TRAPPC9: variants seen among roughly 807,000 people sequenced by gnomAD.
TRAPPC9 encodes the protein IKK2 binding protein.
In TRAPPC9, 83 loss-of-function variants were observed where a neutral mutation model predicts 124.0. That is an observed-to-expected ratio of 0.67 (90% CI 0.56 to 0.80). TRAPPC9 has a LOEUF of 0.80. Among genes scored for constraint, TRAPPC9 ranks in the 30% least tolerant of loss-of-function variants. The pLI is 0.00. For missense variants in TRAPPC9, 1,302 were observed against 1,508.3 expected, an observed-to-expected ratio of 0.86 and a Z score of 2.27; for synonymous variants, 638 against 617.5, an observed-to-expected ratio of 1.03 and a Z score of -0.49.
intron 21 of TRAPPC9, among the ~76,000 whole-genome samples, chr8:139,765,971 G>A (rs1429609829): frequency 6.6e-6 from 1 of 152,224 alleles, no homozygotes; most frequent in African/African-American, 2.4e-5. Flanking sequence ...GAAGGGCGCA[G>A]GTGTGGCCCT....
At chr8:140,091,806 C>T (rs1844582369) in intron 17 of TRAPPC9, among the ~76,000 whole-genome samples, 1 of 152,292 alleles carries the variant, frequency 6.6e-6, no homozygotes, top group Middle Eastern at 3.4e-3. Context: ...TGTCCTCAAC[C>T]CAGGACTGCT....
At chr8:140,073,863 AT>A (rs1260112620) in intron 17 of TRAPPC9, among the ~76,000 whole-genome samples, 7 of 152,042 alleles carry the variant, frequency 4.6e-5, no homozygotes, top group Admixed American at 1.3e-4. Flanking sequence ...TACGTTTAAA[AT>A]TTTCCCTAGT....
intron 21 of TRAPPC9, among the ~76,000 whole-genome samples, chr8:139,763,446 GTCCCCTCC>G (rs141100640): frequency 0.011 from 1,700 of 152,258 alleles, 9 homozygotes; most frequent in Non-Finnish European, 0.018. Context: ...GGACATGTTA[GTCCCCTCC>G]CTCCCTCCCT....
intron 17 of TRAPPC9, among the ~76,000 whole-genome samples, chr8:140,042,740 G>T (rs576131795): frequency 6.6e-6 from 1 of 152,298 alleles, no homozygotes; most frequent in Admixed American, 6.5e-5. Flanking sequence ...TCCCAGCACC[G>T]GGCTGCTCCT....
chr8:139,733,508 T>TG (rs1209879747), intron 21 of TRAPPC9, among the ~76,000 whole-genome samples: 1 of 152,132 alleles, frequency 6.6e-6, no homozygotes, highest in East Asian at 1.9e-4. Flanking sequence ...GTGGAGGTCC[T>TG]GGAAGTGGGA....
chr8:139,900,789 A>G (rs1037644922), intron 20 of TRAPPC9, among the ~76,000 whole-genome samples: 36 of 152,058 alleles, frequency 2.4e-4, no homozygotes, highest in African/African-American at 8.0e-4. Context: ...ATTTGAAACC[A>G]TGGGGCAGCT....
chr8:140,357,270 G>A (rs1357579536), intron 9 of TRAPPC9, among the ~76,000 whole-genome samples: 2 of 152,242 alleles, frequency 1.3e-5, no homozygotes, highest in Non-Finnish European at 1.5e-5. Context: ...CAGGGGAGGT[G>A]CACCGGCCCT....
intron 21 of TRAPPC9, among the ~76,000 whole-genome samples, chr8:139,804,370 TCAC>T (rs1229937551): frequency 4.6e-3 from 34 of 7,380 alleles, no homozygotes; most frequent in African/African-American, 0.02. Flanking sequence ...CCACCACCAC[TCAC>T]CACCACCACC....
intron 21 of TRAPPC9, among the ~76,000 whole-genome samples, chr8:139,880,876 G>A (rs958049172): frequency 6.6e-6 from 1 of 152,212 alleles, no homozygotes; most frequent in African/African-American, 2.4e-5. Flanking sequence ...GCCTTGGCAG[G>A]TGCCGCCAGC....
chr8:139,949,368 C>T (rs1351960699), intron 19 of TRAPPC9, among the ~76,000 whole-genome samples: 2 of 152,182 alleles, frequency 1.3e-5, no homozygotes, highest in African/African-American at 4.8e-5. Context: ...CGTGGCGTTA[C>T]CGTATGACCC....
At chr8:139,808,246 G>C (rs190217048) in intron 21 of TRAPPC9, among the ~76,000 whole-genome samples, 1 of 152,324 alleles carries the variant, frequency 6.6e-6, no homozygotes, top group Non-Finnish European at 1.5e-5. Context: ...ACTGCCTGAG[G>C]TCAGGAGTTC....
At position 139,795,329 on chromosome 8, in the gene TRAPPC9, T is replaced by G. The variant is rs184294202; in HGVS notation, c.3056-63127A>C. Among the ~76,000 whole-genome samples the G allele has an allele frequency of 1.3e-3, 191 of 152,054 alleles. 1 individual carries two copies. The highest frequency in any genetic ancestry group is 4.3e-3 in the African/African-American group (179 of 41,488). On this transcript the variant is annotated intron_variant, in intron 21 of 22. Transcript: ENST00000438773. ...GGAGAGCCAGGCAGCCATCCCGTGT[T>G]TGCAGTTAATTCCCCATGGGCCCTT...
intron 21 of TRAPPC9, among the ~76,000 whole-genome samples, chr8:139,848,026 C>G (rs936559213): frequency 3.9e-5 from 6 of 152,238 alleles, no homozygotes; most frequent in Admixed American, 1.3e-4. Flanking sequence ...TAGCCCCTCA[C>G]GCAGGGCCTG....
chr8:140,147,670 G>C (rs1253553716), intron 17 of TRAPPC9, among the ~76,000 whole-genome samples: 3 of 152,266 alleles, frequency 2.0e-5, no homozygotes, highest in African/African-American at 7.2e-5. Context: ...GACAGTGATA[G>C]ACAGTGGTAG....
intron 17 of TRAPPC9, among the ~76,000 whole-genome samples, chr8:140,180,502 T>C (rs530493108): frequency 6.6e-6 from 1 of 152,256 alleles, no homozygotes; most frequent in Non-Finnish European, 1.5e-5. Context: ...TATTTACCTA[T>C]ATTTCTACCA....
chr8:140,300,516 G>A lies in TRAPPC9; in HGVS notation c.1721C>T (p.Ser574Leu). 2 of 1,614,252 alleles carry A rather than the reference G, an allele frequency of 1.2e-6. No homozygotes were observed. Among genetic ancestry groups the A allele is most frequent in the Non-Finnish European group, 1.7e-6 (2 of 1,180,044 alleles). The change falls in exon 11 of 23, where the codon TCA (serine) becomes TTA (leucine). Residue 574 changes from serine to leucine, a missense_variant. Transcript: ENST00000438773. ...TCCACGGTTGTGTGCGATAATTGGTGAATAGATGAAAGGACTTTTGGTTGA... is the reference window on the plus strand; with the variant it reads ...TCCACGGTTGTGTGCGATAATTGGTAAATAGATGAAAGGACTTTTGGTTGA... ...NVSTKSPFIY[S>L]PIIAHNRGEE...
At position 140,091,375 on chromosome 8, in the gene TRAPPC9, T is replaced by C. The variant is rs117055258; in HGVS notation, c.2557-67296A>G. On this transcript the variant is annotated intron_variant, in intron 17 of 22. Transcript: ENST00000438773. ...TGTGCAAGAAAGACTGGCAGGAAGA[T>C]GGATGGGCGAGGCTGAGTTAATAGG... Among the ~76,000 whole-genome samples, 572 of 152,276 alleles carry C rather than the reference T, an allele frequency of 3.8e-3. 4 individuals are homozygous for C. The highest frequency in any genetic ancestry group is 0.027 in the East Asian group (139 of 5,164).
chr8:140,159,774 A>G (rs942870037), intron 17 of TRAPPC9, among the ~76,000 whole-genome samples: 1 of 152,192 alleles, frequency 6.6e-6, no homozygotes, highest in African/African-American at 2.4e-5. Context: ...GTTTCATGAG[A>G]AAGGGCAGCC....
At chr8:139,830,707 G>T (rs956646400) in intron 21 of TRAPPC9, among the ~76,000 whole-genome samples, 5 of 152,008 alleles carry the variant, frequency 3.3e-5, no homozygotes, top group Non-Finnish European at 7.4e-5. Flanking sequence ...ATGCACACAT[G>T]CAAATACACA....
Sources: gnomAD v4.1 joint callset for allele counts (sites outside exome capture counted in the v4.1 genomes callset) on GRCh38, gnomAD v4.1.1 for gene constraint, MANE v1.5 for transcripts, NCBI Gene and HGNC (gene_info 2026-07-23, HGNC 2026-07-21) for gene names.